MLPH: variants seen among roughly 807,000 people sequenced by gnomAD.
MLPH encodes exophilin-3.
A neutral mutation model predicts 72.1 loss-of-function variants in MLPH; 51 were observed. The observed-to-expected ratio is 0.71, with a 90% confidence interval of 0.56 to 0.89. The LOEUF is 0.89. MLPH is among the 40% of genes least tolerant of loss of function. MLPH has a pLI of 0.00. For synonymous variants in MLPH, 301 were observed against 310.1 expected, an observed-to-expected ratio of 0.97 and a Z score of 0.31; for missense variants, 743 against 759.9, an observed-to-expected ratio of 0.98 and a Z score of 0.26.
At position 237,510,897 on chromosome 2, in the gene MLPH, A is replaced by T; in HGVS notation, c.333-92A>T. On this transcript the variant is annotated intron_variant, in intron 3 of 15. Transcript: ENST00000264605. The surrounding 1 kb of genome is among the most constrained non-coding windows in gnomAD (Gnocchi z 4.4). ...GAAGGGTGGACGCACACATGCACAC[A>T]CTCGTGTGTGTGTGTGTGTGTGTGT... 2.1e-6 allele frequency: 3 copies of T among 1,411,428 alleles called. No homozygotes were observed. Among genetic ancestry groups the T allele is most frequent in the South Asian group, 1.2e-5 (1 of 81,398 alleles). 87.4% of individuals were successfully genotyped at this position (1,411,428 alleles called of 1,614,324 possible).
In MLPH at chr2:237,540,910, G is replaced by A. The variant is rs2080665450; in HGVS notation, c.1399G>A (p.Asp467Asn). 5.0e-6 allele frequency: 8 copies of A among 1,611,828 alleles called. No homozygotes were observed. Among genetic ancestry groups the A allele is most frequent in the African/African-American group, 1.3e-5 (1 of 74,894 alleles). ...TTDEELSELE[D>N]RVAVTASEVQ... ...AGATGAGGAGCTGTCAGAGCTGGAG[G>A]ACAGAGTGGCAGTGACGGCCTCAGA... The change falls in exon 11 of 16, where the codon GAC becomes AAC. Residue 467 changes from aspartate to asparagine, a missense_variant. By Grantham distance (23) the Asp-to-Asn change is conservative. Transcript: ENST00000264605.
intron 7 of MLPH, among the ~76,000 whole-genome samples, chr2:237,526,694 G>A (rs2080312806): frequency 6.6e-6 from 1 of 152,136 alleles, no homozygotes; most frequent in South Asian, 2.1e-4. Context: ...TTCTGAGTTT[G>A]GAGCCTCACT....
intron 8 of MLPH, among the ~76,000 whole-genome samples, chr2:237,528,748 G>C (rs1049043448): frequency 6.6e-6 from 1 of 152,132 alleles, no homozygotes; most frequent in African/African-American, 2.4e-5. Flanking sequence ...CCATGAAGCA[G>C]TTACTTCCCA....
chr2:237,529,999 A>C, intron 8 of MLPH, among the ~76,000 whole-genome samples: 1 of 152,380 alleles, frequency 6.6e-6, no homozygotes, highest in South Asian at 2.1e-4. Flanking sequence ...GGTGGTGCAC[A>C]GCTGGGGTTC....
chr2:237,551,876 G>A (rs910576347), intron 14 of MLPH, among the ~76,000 whole-genome samples: 2 of 152,138 alleles, frequency 1.3e-5, no homozygotes, highest in South Asian at 4.1e-4. Context: ...CTACTTGGGA[G>A]GCTGAGGCAG....
chr2:237,513,870 T>C (rs990397358), intron 4 of MLPH, among the ~76,000 whole-genome samples: 1 of 152,226 alleles, frequency 6.6e-6, no homozygotes, highest in Non-Finnish European at 1.5e-5. Flanking sequence ...GTCTGCTCTC[T>C]GGCTCTGTCA....
chr2:237,507,636 T>C (rs2079805791), intron 2 of MLPH, among the ~76,000 whole-genome samples: 1 of 152,160 alleles, frequency 6.6e-6, no homozygotes, highest in Admixed American at 6.6e-5. Flanking sequence ...ATCAAAAGTC[T>C]CCCGGTGTTG....
intron 1 of MLPH, among the ~76,000 whole-genome samples, chr2:237,492,351 C>G (rs796591340): frequency 1.4e-4 from 22 of 151,912 alleles, no homozygotes; most frequent in African/African-American, 5.1e-4. Flanking sequence ...GCAGCTGAGT[C>G]ACACCAGATT....
chr2:237,506,778 C>A (rs964347227), intron 2 of MLPH, among the ~76,000 whole-genome samples: 2 of 152,106 alleles, frequency 1.3e-5, no homozygotes, highest in Non-Finnish European at 2.9e-5. Flanking sequence ...CTTCTTTTTT[C>A]TTTGGAGGCA....
In MLPH at chr2:237,549,223, A is replaced by G. The variant is rs1284601002; in HGVS notation, c.1620A>G (p.Ala540=). Residue 540 remains alanine (A), a splice_region_variant and synonymous_variant, in exon 14 of 16, where the codon GCA becomes GCG. Transcript: ENST00000264605. ...TGGAGACACTCTGTTTCTTCTAGGC[A>G]ATGGCTGTGCCCTATCTTCTGAGAA... The part of the protein sequence containing the change: ...PNADPSSEAK[A]MAVPYLLRRK... The G allele has an allele frequency of 2.2e-5, 35 of 1,614,146 alleles. No homozygotes were observed. The highest frequency in any genetic ancestry group is 3.0e-5 in the Non-Finnish European group (35 of 1,179,968).
chr2:237,550,521 C>T (rs1048077915), intron 14 of MLPH, among the ~76,000 whole-genome samples: 6 of 152,090 alleles, frequency 3.9e-5, no homozygotes, highest in East Asian at 3.9e-4. Flanking sequence ...CTGCACATCT[C>T]GTGGGCTGAA....
rs1158044969 is a variant in MLPH at position 237,505,178 on chromosome 2, G to C, written c.111-5396G>C. 6.6e-6 allele frequency among the ~76,000 whole-genome samples: 1 copy of C among 152,166 alleles called. No individual in the cohort carries two copies. Among genetic ancestry groups the C allele is most frequent in the Non-Finnish European group, 1.5e-5 (1 of 68,036 alleles). On this transcript the variant is annotated intron_variant, in intron 2 of 15. Coordinates refer to ENST00000264605, the MANE Select transcript of MLPH (RefSeq NM_024101.7). This position sits in a 1 kb window ranked among gnomAD's most constrained non-coding sequence, Gnocchi z 4.5. ...ACACACTGTCCCCACCTCCTTGCTGGTCCTGATGCAGAGTGGAGGGCAGGT... is the reference window on the plus strand; with the variant it reads ...ACACACTGTCCCCACCTCCTTGCTGCTCCTGATGCAGAGTGGAGGGCAGGT...
rs760141042 is a variant in MLPH, at chr2:237,510,824, C to T, written c.332+29C>T. 29 of 1,611,676 alleles carry T rather than the reference C, an allele frequency of 1.8e-5. No homozygotes were observed. In the Admixed American group the frequency reaches 4.2e-4, roughly 23 times the overall value. On this transcript the variant is annotated intron_variant, in intron 3 of 15. Transcript: ENST00000264605. The surrounding 1 kb of genome is among the most constrained non-coding windows in gnomAD (Gnocchi z 4.4). Reference sequence around the variant, plus strand: ...AGCCCAGGCCTTGAGGTAAAATGACCTTGATAGTTTCTGGATCTGGCGTGT... The same window carrying T: ...AGCCCAGGCCTTGAGGTAAAATGACTTTGATAGTTTCTGGATCTGGCGTGT...
At position 237,512,537 on chromosome 2, in the gene MLPH, G is replaced by A. The variant is rs924098881; in HGVS notation, c.445+1436G>A. Among the ~76,000 whole-genome samples, 1 of 152,048 alleles carries A rather than the reference G, an allele frequency of 6.6e-6. No homozygotes were observed. Among genetic ancestry groups the A allele is most frequent in the Non-Finnish European group, 1.5e-5 (1 of 68,016 alleles). ...ACAACAGATGTGACTAGGAACGGCC[G>A]GTGACATGGGGAGGGCCTATCACCC... On this transcript the variant is annotated intron_variant, in intron 4 of 15. Transcript: ENST00000264605. The surrounding 1 kb of genome is among the most constrained non-coding windows in gnomAD (Gnocchi z 5.5).
At chr2:237,490,403 A>G (rs1228497847) in intron 1 of MLPH, among the ~76,000 whole-genome samples, 1 of 152,098 alleles carries the variant, frequency 6.6e-6, no homozygotes, top group Non-Finnish European at 1.5e-5. Flanking sequence ...AGCCTCTAGG[A>G]CATTGGTTGT....
chr2:237,511,242 C>G, intron 4 of MLPH, 141 bp downstream of exon 4: 1 of 652,202 alleles, frequency 1.5e-6, no homozygotes, highest in East Asian at 2.9e-5. Flanking sequence ...GCACATGCCT[C>G]TCTGTGAATT....
At chr2:237,523,404 T>A (rs1177554941) in intron 6 of MLPH, among the ~76,000 whole-genome samples, 2 of 152,216 alleles carry the variant, frequency 1.3e-5, no homozygotes, top group African/African-American at 4.8e-5. Flanking sequence ...GTTGCACCAA[T>A]GTTTTTAGTT....
chr2:237,538,528 A>T (rs529435128), intron 9 of MLPH, among the ~76,000 whole-genome samples: 1 of 152,200 alleles, frequency 6.6e-6, no homozygotes, highest in African/African-American at 2.4e-5. Context: ...GCAGCAGTCC[A>T]TGCTGGCGGC....
At position 237,553,606 on chromosome 2, in the gene MLPH, A is replaced by G. The variant is rs376512543; in HGVS notation, c.*14A>G. ...CACCAGTCCTAACGGGACAGGACAG[A>G]GAGACAGAGCAGCCCTGCACTGTTT... On this transcript the variant is annotated 3_prime_UTR_variant, in exon 16 of 16. Coordinates refer to ENST00000264605, the MANE Select transcript of MLPH (RefSeq NM_024101.7). The G allele has an allele frequency of 2.5e-6, 4 of 1,614,138 alleles. No individual in the cohort carries two copies. The highest frequency in any genetic ancestry group is 1.3e-5 in the African/African-American group (1 of 74,946).
Sources: allele counts gnomAD v4.1 joint callset (sites outside exome capture counted in the v4.1 genomes callset), GRCh38; gene constraint gnomAD v4.1.1; non-coding constraint Gnocchi (gnomAD v3.1); transcripts MANE v1.5; gene names NCBI Gene and HGNC (gene_info 2026-07-23, HGNC 2026-07-21).